ZNF713: variants seen among roughly 807,000 people sequenced by gnomAD.
ZNF713 encodes zinc finger protein 713.
Under a neutral mutation model 28.7 loss-of-function variants are expected in ZNF713, and 21 were observed. The observed-to-expected ratio is 0.73, with a 90% CI of 0.52 to 1.05. ZNF713 has a LOEUF of 1.05. Among genes scored for constraint, ZNF713 ranks in the 50% least tolerant of loss-of-function variants. The probability of loss-of-function intolerance (pLI) is 0.00; values close to 1 mark genes in which losing one functional copy is unlikely to be tolerated. For synonymous variants in ZNF713, 167 were observed against 178.0 expected (o/e 0.94, Z 0.49); for missense variants, 458 against 532.4 (o/e 0.86, Z 1.37).
intron 6 of ZNF713, among the ~76,000 whole-genome samples, chr7:55,928,770 A>G (rs1266490262): frequency 6.6e-6 from 1 of 152,224 alleles, no homozygotes; most frequent in Non-Finnish European, 1.5e-5. Context: ...AGACACAAAA[A>G]TAAACCTGAA....
intron 6 of ZNF713, among the ~76,000 whole-genome samples, chr7:55,931,083 C>T (rs1026152962): frequency 2.6e-5 from 4 of 152,060 alleles, no homozygotes; most frequent in East Asian, 1.9e-4. Flanking sequence ...GTCAGGAGTT[C>T]GAAACCAGCC....
At chr7:55,920,950 T>TC (rs1381399408) in intron 4 of ZNF713, among the ~76,000 whole-genome samples, 1 of 151,994 alleles carries the variant, frequency 6.6e-6, no homozygotes, top group Non-Finnish European at 1.5e-5. Context: ...CTAGAAGAAG[T>TC]CAACTCATGG....
chr7:55,940,102 A>T lies in ZNF713; in HGVS notation c.*96A>T. The T allele has an allele frequency of 6.8e-7, 1 of 1,468,308 alleles. No homozygotes were observed. The highest frequency in any genetic ancestry group is 9.0e-7 in the Non-Finnish European group (1 of 1,116,816). 91.0% of individuals were successfully genotyped at this position (1,468,308 alleles called of 1,614,324 possible). ...CAATATCAAATTATTCATAGTGGAG[A>T]GAAAGCTTATACATAAATTTTTGTT... is the stretch of plus-strand genomic sequence containing the variant. On this transcript the variant is annotated 3_prime_UTR_variant, in exon 7 of 7. Coordinates refer to ENST00000429591, the MANE Select transcript of ZNF713 (RefSeq NM_182633.3).
intron 4 of ZNF713, among the ~76,000 whole-genome samples, chr7:55,919,746 G>A (rs529666948): frequency 1.3e-5 from 2 of 152,066 alleles, no homozygotes; most frequent in East Asian, 3.9e-4. Flanking sequence ...AATGTTAAAA[G>A]CTCAATTAAT....
At position 55,911,669 on chromosome 7, in the gene ZNF713, A is replaced by G. The variant is rs567067336; in HGVS notation, c.-402A>G. The G allele has an allele frequency of 1.3e-5, 2 of 152,302 alleles. No individual in the cohort carries two copies. Among genetic ancestry groups the G allele is most frequent in the African/African-American group, 4.8e-5 (2 of 41,578 alleles). 9.4% of individuals were successfully genotyped at this position (152,302 alleles called of 1,614,324 possible). On this transcript the variant is annotated 5_prime_UTR_variant, in exon 3 of 7. Coordinates refer to ENST00000429591, the MANE Select transcript of ZNF713 (RefSeq NM_182633.3). Reference sequence around the variant, plus strand: ...GATCCTTGCCAGGATGCAGATTTGAATACTATAGTGAAGTCTGTACATGAA... The same window carrying G: ...GATCCTTGCCAGGATGCAGATTTGAGTACTATAGTGAAGTCTGTACATGAA...
At chr7:55,890,527 A>C (rs954836440) in intron 1 of ZNF713, among the ~76,000 whole-genome samples, 1 of 152,032 alleles carries the variant, frequency 6.6e-6, no homozygotes, top group African/African-American at 2.4e-5. Flanking sequence ...GGACTTCAAC[A>C]TACTAATTTG....
intron 4 of ZNF713, among the ~76,000 whole-genome samples, chr7:55,922,304 G>A (rs1199435340): frequency 1.3e-5 from 2 of 151,922 alleles, no homozygotes; most frequent in Admixed American, 6.6e-5. Context: ...ACTTTGGGAG[G>A]CTGAGGCGGG....
At chr7:55,900,189 C>T (rs767702084) in intron 1 of ZNF713, among the ~76,000 whole-genome samples, 7 of 152,044 alleles carry the variant, frequency 4.6e-5, no homozygotes, top group South Asian at 2.1e-4. Context: ...ATGTGGTGGC[C>T]GGGCGTGGTG....
intron 6 of ZNF713, among the ~76,000 whole-genome samples, chr7:55,926,152 A>G (rs1400917956): frequency 1.3e-5 from 2 of 152,116 alleles, no homozygotes; most frequent in African/African-American, 2.4e-5. Flanking sequence ...TCTACTAAAA[A>G]TACAAAAATT....
At chr7:55,899,741 T>C (rs1044734965) in intron 1 of ZNF713, among the ~76,000 whole-genome samples, 4 of 152,106 alleles carry the variant, frequency 2.6e-5, no homozygotes, top group African/African-American at 7.2e-5. Flanking sequence ...TATATATTCT[T>C]TTTTTGTTTG....
At chr7:55,932,908 A>AAAAG (rs1453742126) in intron 6 of ZNF713, among the ~76,000 whole-genome samples, 2 of 146,578 alleles carry the variant, frequency 1.4e-5, no homozygotes, top group African/African-American at 2.5e-5. Context: ...AAAAAAAAAA[A>AAAAG]AAGAAGCTAC....
intron 3 of ZNF713, among the ~76,000 whole-genome samples, chr7:55,912,406 G>A (rs886321582): frequency 2.0e-5 from 3 of 152,188 alleles, no homozygotes; most frequent in African/African-American, 7.2e-5. Flanking sequence ...GAAAGCCCCT[G>A]AGCTCCCCTA....
At chr7:55,913,965 G>A (rs558813572) in intron 4 of ZNF713, among the ~76,000 whole-genome samples, 4 of 152,082 alleles carry the variant, frequency 2.6e-5, no homozygotes, top group African/African-American at 7.2e-5. Flanking sequence ...ACAAAAATTA[G>A]CCAGGCGTGG....
chr7:55,927,915 A>AAAAAAAAAAG (rs1562746758), intron 6 of ZNF713, among the ~76,000 whole-genome samples: 2 of 148,020 alleles, frequency 1.4e-5, no homozygotes, highest in African/African-American at 4.9e-5. Flanking sequence ...AAAAAAAAAA[A>AAAAAAAAAAG]AAAAAGCCAC....
rs1163723143 is a variant in ZNF713, at chr7:55,937,727, A to AC, written c.308-1251dup. On this transcript the variant is annotated intron_variant, in intron 6 of 6. Transcript: ENST00000429591. ...AGACCAGCCTGGGAAACGTAGTGAG[A>AC]CCCCGTCTCTAAAAAAAAAAAATCA... is the stretch of plus-strand genomic sequence containing the variant. 2.6e-5 allele frequency among the ~76,000 whole-genome samples: 4 copies of AC among 151,296 alleles called. No homozygotes were observed. In the East Asian group the frequency reaches 7.8e-4, roughly 29 times the overall value.
intron 6 of ZNF713, among the ~76,000 whole-genome samples, chr7:55,930,976 G>A (rs1193256828): frequency 6.6e-6 from 1 of 152,066 alleles, no homozygotes; most frequent in Non-Finnish European, 1.5e-5. Context: ...CCATCCATAA[G>A]ATCTATATAA....
chr7:55,938,837 C>T (rs1231931345), intron 6 of ZNF713, 145 bp from the exon 7 acceptor site: 1 of 789,046 alleles, frequency 1.3e-6, no homozygotes, highest in South Asian at 2.4e-5. Context: ...GACGTGGCCA[C>T]ATTGAAAAAC....
rs1268188784 is a variant in ZNF713 at position 55,923,165 on chromosome 7, T to C, written c.91T>C (p.Ser31Pro). The C allele has an allele frequency of 4.3e-6, 7 of 1,611,660 alleles. No homozygotes were observed. Among genetic ancestry groups the C allele is most frequent in the Non-Finnish European group, 5.9e-6 (7 of 1,178,972 alleles). ...DGSQMVRSQE[S>P]LTFQDVAVDF... ...AGGGATGTGCTTGATGTTTCAGGAA[T>C]CACTGACGTTTCAGGATGTGGCCGT... Residue 31 changes from serine to proline, a missense_variant, in exon 5 of 7, where the codon TCA (serine) becomes CCA (proline). Transcript: ENST00000429591.
chr7:55,913,676 A>G, intron 4 of ZNF713, among the ~76,000 whole-genome samples: 1 of 152,216 alleles, frequency 6.6e-6, no homozygotes, highest in South Asian at 2.1e-4. Flanking sequence ...TCACTGAAGA[A>G]AAATCATAAA....
Sources: allele counts gnomAD v4.1 joint callset (sites outside exome capture counted in the v4.1 genomes callset), GRCh38; gene constraint gnomAD v4.1.1; transcripts MANE v1.5; gene names NCBI Gene and HGNC (gene_info 2026-07-23, HGNC 2026-07-21).